PITPNM1: variants seen among roughly 807,000 people sequenced by gnomAD.
PITPNM1 encodes phosphatidylinositol transfer protein membrane associated 1.
PITPNM1 carries 74 observed loss-of-function variants against 133.3 expected under a neutral mutation model. The ratio of observed to expected loss-of-function variants is 0.56; its 90% CI spans 0.46 to 0.67. The LOEUF (loss-of-function observed/expected upper bound fraction) is 0.67. Among genes scored for constraint, PITPNM1 ranks in the 30% least tolerant of loss-of-function variants. PITPNM1 has a pLI of 0.00. For synonymous variants in PITPNM1, 738 were observed against 741.4 expected (o/e 1.00, Z 0.08); for missense variants, 1,398 against 1,739.5 (o/e 0.80, Z 3.49).
intron 23 of PITPNM1, 90 bp downstream of exon 23, chr11:67,492,844 T>G (rs1865975978): frequency 1.2e-5 from 18 of 1,485,258 alleles, no homozygotes. Flanking sequence ...CCTTCTCACA[T>G]CTTCCCCAGA....
chr11:67,495,890 G>A (rs1018317533), intron 15 of PITPNM1, among the ~76,000 whole-genome samples: 7 of 152,250 alleles, frequency 4.6e-5, no homozygotes, highest in African/African-American at 1.2e-4. Flanking sequence ...ACCCCACACA[G>A]ATGCAGCAGC....
chr11:67,495,362 T>C (rs1866084390), intron 16 of PITPNM1, 76 bp downstream of exon 16: 1 of 1,457,994 alleles, frequency 6.9e-7, no homozygotes. Flanking sequence ...GGGAAAGGGT[T>C]TCTCAGCTGG....
Position 67,500,415 on chromosome 11 carries a change from C to G in PITPNM1, c.647G>C (p.Arg216Pro). 1 of 1,607,588 alleles carries G rather than the reference C, an allele frequency of 6.2e-7. No homozygotes were observed. ...GCGGTGGGCCCGCAGCATCACCCGA[C>G]GCAGACCTGCAGGTGCCCAGGCGTC... is the stretch of plus-strand genomic sequence containing the variant. The part of the protein sequence containing the change: ...IEQFIHDVGL[R>P]RVMLRAHRQA... The change falls in exon 6 of 24, where the codon CGT becomes CCT. Residue 216 changes from arginine to proline, a missense_variant. By Grantham distance (103) the Arg-to-Pro change is moderately radical. Transcript: ENST00000356404.
In PITPNM1 at chr11:67,495,016, C is replaced by T. The variant is rs559342588; in HGVS notation, c.2632-60G>A. 3.6e-4 allele frequency: 580 copies of T among 1,602,972 alleles called. 1 individual carries two copies. Among genetic ancestry groups the T allele is most frequent in the Non-Finnish European group, 4.8e-4 (564 of 1,172,310 alleles). On this transcript the variant is annotated intron_variant, in intron 17 of 23. Coordinates refer to ENST00000356404, the MANE Select transcript of PITPNM1 (RefSeq NM_004910.3). Reference sequence around the variant, plus strand: ...AGGGGAGGGAGGGCTGCCCCTCCCCCGGCCCAAAGCAGCCCATCCCCGTCC... The same window carrying T: ...AGGGGAGGGAGGGCTGCCCCTCCCCTGGCCCAAAGCAGCCCATCCCCGTCC...
chr11:67,493,087 C>A, intron 22 of PITPNM1, 25 bp from the exon 23 acceptor site: 2 of 1,612,406 alleles, frequency 1.2e-6, no homozygotes, highest in Non-Finnish European at 8.5e-7. Flanking sequence ...GCCAATCAGC[C>A]GCCCCAGGGG....
At chr11:67,494,500 G>C in intron 18 of PITPNM1, 140 bp from the exon 19 acceptor site, 2 of 650,716 alleles carry the variant, frequency 3.1e-6, no homozygotes, top group South Asian at 1.9e-5. Context: ...GGGCAAGCCC[G>C]GGGGGCGCAC....
Position 67,498,868 on chromosome 11 carries a change from A to AGTGGGTGT in PITPNM1, c.1234-30_1234-23dup, listed in dbSNP as rs1390423538. 3.7e-6 allele frequency: 6 copies of AGTGGGTGT among 1,608,980 alleles called. No homozygotes were observed. In the East Asian group the frequency reaches 1.3e-4, roughly 36 times the overall value. On this transcript the variant is annotated intron_variant, in intron 9 of 23. Coordinates refer to ENST00000356404, the MANE Select transcript of PITPNM1 (RefSeq NM_004910.3). The surrounding 1 kb of genome is among the most constrained non-coding windows in gnomAD (Gnocchi z 5.7). ...GGCCCTGGGGGGAACAATGGGGTGCAGTGGGTGTCACAGCAGTGGCCGGGC... is the reference window on the plus strand; with the variant it reads ...GGCCCTGGGGGGAACAATGGGGTGCAGTGGGTGTGTGGGTGTCACAGCAGTGGCCGGGC...
chr11:67,495,459 T>A lies in PITPNM1; in HGVS notation c.2461A>T (p.Thr821Ser). 6.5e-7 allele frequency: 1 copy of A among 1,536,198 alleles called. No homozygotes were observed. Among genetic ancestry groups the A allele is most frequent in the Admixed American group, 2.2e-5 (1 of 46,414 alleles). Residue 821 changes from threonine to serine, a missense_variant, in exon 16 of 24, where the codon ACC becomes TCC. Thr to Ser is a moderately conservative substitution (Grantham distance 58). This residue lies in a region of PITPNM1 where 574 missense variants were observed against 698.7 expected (regional missense o/e 0.82). Coordinates refer to ENST00000356404, the MANE Select transcript of PITPNM1 (RefSeq NM_004910.3). Reference protein sequence around the residue: ...DPPAQPAAPSTTSEVVKILER... With the variant: ...DPPAQPAAPSSTSEVVKILER... ...TTACTCTTAACCACCTCACTGGTGG[T>A]GCTGGGGGCGGCTGGCTGGGCCGGG... is the stretch of plus-strand genomic sequence containing the variant.
chr11:67,494,753 G>A (rs149141351), intron 18 of PITPNM1, 93 bp downstream of exon 18: 50,399 of 760,360 alleles, frequency 0.066, 2,174 homozygotes, highest in Middle Eastern at 0.087. Context: ...GCTAGGACCC[G>A]AGGAGGGGGG....
In PITPNM1 at chr11:67,492,306, GAGGT is replaced by G. The variant is rs754746222; in HGVS notation, c.3472-14_3472-11del. 827 of 1,546,328 alleles carry G rather than the reference GAGGT, an allele frequency of 5.3e-4. No homozygotes were observed. Among genetic ancestry groups the G allele is most frequent in the Admixed American group, 1.5e-3 (79 of 51,940 alleles). ...AGCCGTCTGACAGGAACTGTGGGCAGAGGTAGGCAGCGATGAGGGGGTGCTGGCC... is the reference window on the plus strand; with the variant it reads ...AGCCGTCTGACAGGAACTGTGGGCAGAGGCAGCGATGAGGGGGTGCTGGCC... On this transcript the variant is annotated splice_polypyrimidine_tract_variant and intron_variant, in intron 23 of 23. Transcript: ENST00000356404.
chr11:67,498,152 C>A lies in PITPNM1; in HGVS notation c.1655G>T (p.Gly552Val). ...AYSAFLRSPE[G>V]AGFCGQVALI... ...GCTGACCTGCCCACAGAAGCCGGCA[C>A]CCTCAGGTGAGCGCAGGAAGGCTGA... The change falls in exon 11 of 24, where the codon GGT becomes GTT. Residue 552 changes from glycine (G) to valine (V), a missense_variant. Around this residue, in one of 5 missense-constraint regions of PITPNM1, gnomAD observed 574 missense variants for 698.7 expected, o/e 0.82. Coordinates refer to ENST00000356404, the MANE Select transcript of PITPNM1 (RefSeq NM_004910.3). This position sits in a 1 kb window ranked among gnomAD's most constrained non-coding sequence, Gnocchi z 5.7. The A allele has an allele frequency of 6.2e-7, 1 of 1,612,974 alleles. No individual in the cohort carries two copies. The highest frequency in any genetic ancestry group is 8.5e-7 in the Non-Finnish European group (1 of 1,179,966).
At chr11:67,495,320 C>T (rs1866083420) in intron 16 of PITPNM1, 95 bp from the exon 17 acceptor site, 1 of 1,474,154 alleles carries the variant, frequency 6.8e-7, no homozygotes, top group East Asian at 2.5e-5. Flanking sequence ...TTCACCCAGC[C>T]TGCTCTTTGC....
At chr11:67,503,359 G>A (rs890649752) in intron 2 of PITPNM1, among the ~76,000 whole-genome samples, 3 of 152,176 alleles carry the variant, frequency 2.0e-5, no homozygotes, top group South Asian at 4.1e-4. Flanking sequence ...AAGGGACTAG[G>A]AGAGGAAAAG....
At chr11:67,497,881 T>C (rs768576002) in intron 12 of PITPNM1, 36 bp downstream of exon 12, 8 of 1,591,500 alleles carry the variant, frequency 5.0e-6, no homozygotes, top group Non-Finnish European at 6.0e-6. Context: ...AGAGGGCCTT[T>C]CCGCTCCTGA....
At chr11:67,493,191 C>A in intron 22 of PITPNM1, 129 bp from the exon 23 acceptor site, 1 of 1,222,466 alleles carries the variant, frequency 8.2e-7, no homozygotes, top group Non-Finnish European at 1.2e-6. Context: ...AGGTCCCAGT[C>A]CCACGGGGAC....
chr11:67,501,037 G>A (rs1330924429), intron 5 of PITPNM1, among the ~76,000 whole-genome samples: 2 of 152,194 alleles, frequency 1.3e-5, no homozygotes, highest in African/African-American at 4.8e-5. Context: ...TGCAAGACAA[G>A]GCGTCCTCAT....
rs1866336289 is a variant in PITPNM1, at chr11:67,502,028, G to A, written c.474C>T (p.Asp158=). 6.2e-7 allele frequency: 1 copy of A among 1,613,306 alleles called. No homozygotes were observed. The highest frequency in any genetic ancestry group is 1.1e-5 in the South Asian group (1 of 91,084). The change falls in exon 5 of 24, where the codon GAC becomes GAT. Residue 158 remains aspartate (D), a synonymous_variant. Transcript: ENST00000356404. This position sits in a 1 kb window ranked among gnomAD's most constrained non-coding sequence, Gnocchi z 5.9. The part of the protein sequence containing the change: ...VAPGEYKAEE[D]PRLYHSVKTG... ...TCTTGACCGAGTGATAAAGCCGGGG[G>A]TCCTCTTCTGCTTTGTACTCGCCTG...
Position 67,497,047 on chromosome 11 carries a change from T to C in PITPNM1, c.2146+184A>G, listed in dbSNP as rs1866143255. On this transcript the variant is annotated intron_variant, in intron 14 of 23. Transcript: ENST00000356404. ...GGGTGTGAAGCTCCTCCCAGTGGCT[T>C]TGGGAGACTCACCCTTGGCGAGTCC... 7.8e-6 allele frequency: 4 copies of C among 512,138 alleles called. No individual in the cohort carries two copies. The African/African-American group carries it at 7.9e-5, about 10-fold the overall frequency. 31.7% of individuals were successfully genotyped at this position (512,138 alleles called of 1,614,324 possible).
rs201907051 is a variant in PITPNM1 at position 67,498,337 on chromosome 11, A to G, written c.1485-15T>C. 64 of 1,545,788 alleles carry G rather than the reference A, an allele frequency of 4.1e-5. No individual in the cohort carries two copies. The highest frequency in any genetic ancestry group is 5.5e-5 in the Non-Finnish European group (63 of 1,145,510). On this transcript the variant is annotated splice_polypyrimidine_tract_variant and intron_variant, in intron 10 of 23. Coordinates refer to ENST00000356404, the MANE Select transcript of PITPNM1 (RefSeq NM_004910.3). This position sits in a 1 kb window ranked among gnomAD's most constrained non-coding sequence, Gnocchi z 5.7. ...AAGGGCTCAGGCTGTAGGAGGGGGA[A>G]ATGTGCGTGGGTGAGGGGCTTCCAG... is the stretch of plus-strand genomic sequence containing the variant.
Sources: gnomAD v4.1 joint callset for allele counts (sites outside exome capture counted in the v4.1 genomes callset) on GRCh38, gnomAD v4.1.1 for gene constraint, gnomAD v4.1.1 regional missense constraint, Gnocchi (gnomAD v3.1) non-coding constraint, MANE v1.5 for transcripts, NCBI Gene and HGNC (gene_info 2026-07-23, HGNC 2026-07-21) for gene names.